Variants in UBR1 observed in about 807,000 individuals in gnomAD.
UBR1 encodes the protein E3 ubiquitin-protein ligase UBR1.
UBR1 carries 102 observed loss-of-function variants against 242.1 expected under a neutral mutation model. The ratio of observed to expected loss-of-function variants is 0.42; its 90% CI spans 0.36 to 0.50. The LOEUF (loss-of-function observed/expected upper bound fraction) is 0.50. UBR1 is among the 20% of genes least tolerant of loss of function. The probability of loss-of-function intolerance (pLI) is 0.01; values close to 1 mark genes in which losing one functional copy is unlikely to be tolerated. For missense variants in UBR1, 1,772 were observed against 2,101.8 expected (o/e 0.84, Z 3.07); for synonymous variants, 675 against 684.8 (o/e 0.99, Z 0.22).
chr15:43,106,033 A>G lies in UBR1; in HGVS notation c.-11T>C. ...CTCCTCGTCCGCCATCTTGAGGGAA[A>G]CTGACGCCTGCAGTTGCCGACCCCC... On this transcript the variant is annotated 5_prime_UTR_variant, in exon 1 of 47. Transcript: ENST00000290650. The G allele has an allele frequency of 8.7e-6, 14 of 1,608,258 alleles. No individual in the cohort carries two copies. The highest frequency in any genetic ancestry group is 1.2e-5 in the Non-Finnish European group (14 of 1,177,498).
intron 2 of UBR1, among the ~76,000 whole-genome samples, chr15:43,084,647 G>A (rs1014615551): frequency 6.6e-6 from 1 of 152,112 alleles, no homozygotes; most frequent in Non-Finnish European, 1.5e-5. Flanking sequence ...GCAGAGACGG[G>A]GTTTCCCATC....
At position 43,088,842 on chromosome 15, in the gene UBR1, C is replaced by CAA. The variant is rs57879485; in HGVS notation, c.82-2604_82-2603dup. Among the ~76,000 whole-genome samples the CAA allele has an allele frequency of 3.5e-5, 5 of 141,436 alleles. No homozygotes were observed. In the South Asian group the frequency reaches 6.6e-4, roughly 19 times the overall value. The allele number at this position is 141,436 out of a possible 152,430, so 92.8% of individuals were successfully genotyped here. ...CAAGTGTCAATACTTTTGCAACTAA[C>CAA]AAAAAAAAAAAAACTTTTAAAAAAT... On this transcript the variant is annotated intron_variant, in intron 1 of 46. Coordinates refer to ENST00000290650, the MANE Select transcript of UBR1 (RefSeq NM_174916.3).
chr15:43,062,724 G>A (rs1227189168), intron 6 of UBR1, among the ~76,000 whole-genome samples: 1 of 152,108 alleles, frequency 6.6e-6, no homozygotes, highest in East Asian at 1.9e-4. Flanking sequence ...CTCCTAAGTA[G>A]CTGGGACTAC....
Position 43,078,224 on chromosome 15 carries a change from G to A in UBR1, c.418-3135C>T, listed in dbSNP as rs141873406. Among the ~76,000 whole-genome samples the A allele has an allele frequency of 8.9e-4, 136 of 152,276 alleles. 2 individuals carry two copies. In the East Asian group the frequency reaches 0.022, roughly 25 times the overall value. On this transcript the variant is annotated intron_variant, in intron 3 of 46. Transcript: ENST00000290650. ...ACAAAGAAAGTGAGAAGGACAAGAG[G>A]TGGCAAACTCAGAGAAGCAGTACTT...
At chr15:42,995,223 TA>T (rs2032619119) in intron 33 of UBR1, among the ~76,000 whole-genome samples, 1 of 152,174 alleles carries the variant, frequency 6.6e-6, no homozygotes, top group Non-Finnish European at 1.5e-5. Flanking sequence ...TTTTGAGACC[TA>T]AAAATCATGA....
intron 1 of UBR1, among the ~76,000 whole-genome samples, chr15:43,100,731 A>T (rs946435154): frequency 6.6e-6 from 1 of 152,172 alleles, no homozygotes; most frequent in Non-Finnish European, 1.5e-5. Context: ...GCTACTCAGG[A>T]GGCTGAGGCA....
chr15:42,956,713 G>T (rs868102173), intron 44 of UBR1, among the ~76,000 whole-genome samples: 1 of 152,340 alleles, frequency 6.6e-6, no homozygotes, highest in Non-Finnish European at 1.5e-5. Flanking sequence ...CTGGCATTTT[G>T]TGTAGTGGCT....
In UBR1 at chr15:43,036,157, C is replaced by T. The variant is rs375097062; in HGVS notation, c.2190+21G>A. 19 of 1,525,538 alleles carry T rather than the reference C, an allele frequency of 1.2e-5. No individual in the cohort carries two copies. In the African/African-American group the frequency reaches 2.5e-4, roughly 20 times the overall value. The allele number at this position is 1,525,538 out of a possible 1,614,324, so 94.5% of individuals were successfully genotyped here. On this transcript the variant is annotated intron_variant, in intron 19 of 46. Transcript: ENST00000290650. ...CAATATTTCCTTTAAAATTAATTCA[C>T]ATAATTTACAGGTTGTATACCTGGT...
At chr15:43,015,518 G>C in intron 29 of UBR1, 170 bp downstream of exon 29, 1 of 664,934 alleles carries the variant, frequency 1.5e-6, no homozygotes, top group Non-Finnish European at 2.6e-6. Context: ...AAGGCCGCAG[G>C]GTCCTCTGCC....
At chr15:42,956,106 T>C (rs1329341488) in intron 44 of UBR1, among the ~76,000 whole-genome samples, 6 of 152,308 alleles carry the variant, frequency 3.9e-5, no homozygotes, top group Admixed American at 3.3e-4. Flanking sequence ...GCGGGTGTAC[T>C]CCACTCTTCA....
intron 7 of UBR1, 83 bp from the exon 8 acceptor site, chr15:43,059,908 C>T: frequency 1.3e-6 from 2 of 1,575,440 alleles, no homozygotes; most frequent in Non-Finnish European, 8.7e-7. Flanking sequence ...ATGAAGAAAT[C>T]ACATAACCCT....
chr15:42,955,690 AC>A (rs2031907362), intron 44 of UBR1, among the ~76,000 whole-genome samples: 1 of 152,146 alleles, frequency 6.6e-6, no homozygotes, highest in African/African-American at 2.4e-5. Flanking sequence ...TGAAGTATTC[AC>A]CCCCCAATGG....
chr15:43,105,857 A>G (rs1356128649), intron 1 of UBR1, 85 bp downstream of exon 1: 6 of 1,341,868 alleles, frequency 4.5e-6, no homozygotes, highest in Non-Finnish European at 6.4e-6. Flanking sequence ...CAGAGCCGCC[A>G]TAAGGGGTGA....
At chr15:42,961,070 C>T (rs113700197) in intron 42 of UBR1, among the ~76,000 whole-genome samples, 56 of 150,868 alleles carry the variant, frequency 3.7e-4, no homozygotes, top group Non-Finnish European at 5.0e-4. Flanking sequence ...TTGCCATTCT[C>T]TTCAATTCTT....
chr15:42,949,146 G>A (rs1596071556), intron 46 of UBR1, among the ~76,000 whole-genome samples: 4 of 151,896 alleles, frequency 2.6e-5, no homozygotes, highest in African/African-American at 9.7e-5. Flanking sequence ...GGATGAAATT[G>A]GAAATCATCA....
Position 42,945,093 on chromosome 15 carries a change from T to C in UBR1, c.*236A>G, listed in dbSNP as rs1596069894. 3 of 531,012 alleles carry C rather than the reference T, an allele frequency of 5.6e-6. No homozygotes were observed. In the East Asian group the frequency reaches 1.1e-4, roughly 19 times the overall value. The allele number at this position is 531,012 out of a possible 1,614,324, so 32.9% of individuals were successfully genotyped here. On this transcript the variant is annotated 3_prime_UTR_variant, in exon 47 of 47. Coordinates refer to ENST00000290650, the MANE Select transcript of UBR1 (RefSeq NM_174916.3). ...GAGACAAATTATGAAGGGGAATAAA[T>C]TCCTGGAAATACTAGCACATAAAAC...
Position 42,970,512 on chromosome 15 carries a change from T to C in UBR1, c.4457+8A>G, listed in dbSNP as rs1310718497. 6.2e-7 allele frequency: 1 copy of C among 1,611,178 alleles called. No homozygotes were observed. Among genetic ancestry groups the C allele is most frequent in the Non-Finnish European group, 8.5e-7 (1 of 1,178,324 alleles). On this transcript the variant is annotated splice_region_variant and intron_variant, in intron 40 of 46. Transcript: ENST00000290650. ...TACAATAGACTGAACTAATGGATTG[T>C]TACTCACCCACTTGTATATTGAGAA...
At chr15:43,025,729 G>A in intron 23 of UBR1, 1 of 293,136 alleles carries the variant, frequency 3.4e-6, no homozygotes, top group East Asian at 7.1e-5. Context: ...ACTTGATAAG[G>A]ACAAAGCCAG....
At chr15:43,064,386 C>A (rs1014218936) in intron 6 of UBR1, among the ~76,000 whole-genome samples, 68 of 152,192 alleles carry the variant, frequency 4.5e-4, no homozygotes, top group African/African-American at 1.5e-3. Context: ...AGTCTAAAAA[C>A]ACATGGAGGA....
Sources: allele counts gnomAD v4.1 joint callset (sites outside exome capture counted in the v4.1 genomes callset), GRCh38; gene constraint gnomAD v4.1.1; transcripts MANE v1.5; gene names NCBI Gene and HGNC (gene_info 2026-07-23, HGNC 2026-07-21).